SPECC1: variants seen among roughly 807,000 people sequenced by gnomAD.
SPECC1 encodes the protein cytospin-B.
In SPECC1, 62 loss-of-function variants were observed where a neutral mutation model predicts 104.1. The observed-to-expected ratio is 0.60, with a 90% confidence interval of 0.49 to 0.74. The LOEUF (loss-of-function observed/expected upper bound fraction) is 0.74. Ranked by LOEUF, SPECC1 falls within the 30% of genes least tolerant of loss-of-function variation. SPECC1 has a pLI of 0.00. For synonymous variants in SPECC1, 513 were observed against 501.6 expected, an observed-to-expected ratio of 1.02 and a Z score of -0.30; for missense variants, 1,306 against 1,310.5, an observed-to-expected ratio of 1.00 and a Z score of 0.05.
intron 3 of SPECC1, among the ~76,000 whole-genome samples, chr17:20,201,962 CAT>C (rs1183389927): frequency 6.6e-6 from 1 of 152,124 alleles, no homozygotes; most frequent in African/African-American, 2.4e-5. Context: ...GAAAAAGTTA[CAT>C]ATGTCATGAA....
Position 20,110,487 on chromosome 17 carries a change from G to T in SPECC1, c.208G>T (p.Val70Leu). 6.2e-7 allele frequency: 1 copy of T among 1,614,032 alleles called. No individual in the cohort carries two copies. Among genetic ancestry groups the T allele is most frequent in the South Asian group, 1.1e-5 (1 of 91,074 alleles). ...NKPGSTAASGVVRLKKTATAG... is the reference protein window; with the variant it reads ...NKPGSTAASGLVRLKKTATAG... ...GCCAGGAAGTACCGCTGCATCGGGG[G>T]TGGTTCGCCTGAAGAAGACCGCCAC... Residue 70 changes from valine to leucine, a missense_variant, in exon 3 of 15, where the codon GTG (valine) becomes TTG (leucine). By Grantham distance (32) the Val-to-Leu change is conservative. Around this residue, in one of 2 missense-constraint regions of SPECC1, gnomAD observed 1,177 missense variants for 1,139.9 expected, o/e 1.03. Transcript: ENST00000395527.
intron 10 of SPECC1, among the ~76,000 whole-genome samples, chr17:20,256,373 T>C (rs2703788): frequency 0.43 from 64,860 of 151,902 alleles, 14,452 homozygotes; most frequent in East Asian, 0.8. Context: ...TCCCCAGGAA[T>C]TGCTTGTCAA....
intron 12 of SPECC1, among the ~76,000 whole-genome samples, chr17:20,289,570 G>A (rs552817766): frequency 2.0e-5 from 3 of 152,328 alleles, no homozygotes; most frequent in Non-Finnish European, 4.4e-5. Context: ...CCCAAAAAGT[G>A]CTGGGATTAA....
intron 2 of SPECC1, among the ~76,000 whole-genome samples, chr17:20,103,300 C>T (rs528925960): frequency 5.9e-5 from 9 of 152,304 alleles, no homozygotes; most frequent in Admixed American, 1.3e-4. Flanking sequence ...ACTCCCCCAG[C>T]CCCTCCTGGG....
chr17:20,227,504 C>T lies in SPECC1; in HGVS notation c.1955C>T (p.Ser652Leu). The T allele has an allele frequency of 6.2e-7, 1 of 1,613,678 alleles. No homozygotes were observed. Among genetic ancestry groups the T allele is most frequent in the Non-Finnish European group, 8.5e-7 (1 of 1,179,886 alleles). ...RTSLKLQEKASESDAEIKDMK... is the reference protein window; with the variant it reads ...RTSLKLQEKALESDAEIKDMK... ...AGCCTAAAGCTGCAAGAAAAAGCATCAGAGAGTGATGCAGAGATCAAAGAC... is the reference window on the plus strand; with the variant it reads ...AGCCTAAAGCTGCAAGAAAAAGCATTAGAGAGTGATGCAGAGATCAAAGAC... Residue 652 changes from serine (S) to leucine (L), a missense_variant, in exon 5 of 15, where the codon TCA (serine) becomes TTA (leucine). By Grantham distance (145) the Ser-to-Leu change is moderately radical. This residue lies in a region of SPECC1 where 1,177 missense variants were observed against 1,139.9 expected (regional missense o/e 1.03). Transcript: ENST00000395527.
intron 3 of SPECC1, chr17:20,112,424 T>G (rs2048538604): frequency 1.3e-6 from 1 of 763,868 alleles, no homozygotes; most frequent in African/African-American, 1.7e-5. Context: ...ACCAATATCC[T>G]GAAAGGAATT....
rs1321576842 is a variant in SPECC1 at position 20,252,507 on chromosome 17, G to A, written c.2599-998G>A. 3.3e-5 allele frequency among the ~76,000 whole-genome samples: 5 copies of A among 152,106 alleles called. 1 individual carries two copies. Among genetic ancestry groups the A allele is most frequent in the South Asian group, 4.2e-4 (2 of 4,812 alleles). ...TGCCTGACTGAAACTCTGTATCCACGGAACAATTCCCCACTTCCCCTCCCT... is the reference window on the plus strand; with the variant it reads ...TGCCTGACTGAAACTCTGTATCCACAGAACAATTCCCCACTTCCCCTCCCT... On this transcript the variant is annotated intron_variant, in intron 9 of 14. Transcript: ENST00000395527.
chr17:20,040,256 G>A (rs7218919), intron 1 of SPECC1, among the ~76,000 whole-genome samples: 10,484 of 151,790 alleles, frequency 0.069, 982 homozygotes, highest in African/African-American at 0.21. Context: ...ACTTCAATGA[G>A]GTATAGAAAC....
chr17:20,282,536 G>A (rs920556794), intron 12 of SPECC1, among the ~76,000 whole-genome samples: 1 of 152,158 alleles, frequency 6.6e-6, no homozygotes, highest in African/African-American at 2.4e-5. Context: ...ACTTAACAAA[G>A]TAATTAAAAA....
chr17:20,034,965 A>G (rs9896387), intron 1 of SPECC1, among the ~76,000 whole-genome samples: 10,515 of 152,140 alleles, frequency 0.069, 985 homozygotes, highest in African/African-American at 0.21. Flanking sequence ...TTTTGAGTTA[A>G]TTTTTCTGTA....
chr17:20,204,688 T>G lies in SPECC1; in HGVS notation c.639T>G (p.Asp213Glu). ...CTGATGCTTTGGGCCCAAATGTCGA[T>G]GGAACATCAGTCTCCCCAGGTGACA... ...EGTDALGPNV[D>E]GTSVSPGDTE... The change falls in exon 4 of 15, where the codon GAT (aspartate) becomes GAG (glutamate). Residue 213 changes from aspartate to glutamate, a missense_variant. This residue lies in a region of SPECC1 where 1,177 missense variants were observed against 1,139.9 expected (regional missense o/e 1.03). Transcript: ENST00000395527. 1 of 1,613,786 alleles carries G rather than the reference T, an allele frequency of 6.2e-7. No homozygotes were observed. Among genetic ancestry groups the G allele is most frequent in the Non-Finnish European group, 8.5e-7 (1 of 1,179,944 alleles).
intron 12 of SPECC1, among the ~76,000 whole-genome samples, chr17:20,269,394 T>C (rs543377083): frequency 4.9e-4 from 74 of 152,240 alleles, no homozygotes; most frequent in Non-Finnish European, 1.0e-3. Flanking sequence ...CAGAAGGGGC[T>C]GGATGCTGAG....
chr17:20,181,987 A>T (rs9941376), intron 3 of SPECC1, among the ~76,000 whole-genome samples: 37,696 of 151,900 alleles, frequency 0.25, 5,823 homozygotes, highest in African/African-American at 0.45. Context: ...TTTCATTAGG[A>T]AAAAAGGAAG....
intron 1 of SPECC1, among the ~76,000 whole-genome samples, chr17:20,083,227 A>G (rs1364728295): frequency 6.6e-6 from 1 of 152,242 alleles, no homozygotes; most frequent in Non-Finnish European, 1.5e-5. Context: ...AATGCCAGCC[A>G]GCTGCTGGTG....
chr17:20,278,100 G>GC (rs2040635833), intron 12 of SPECC1, among the ~76,000 whole-genome samples: 2 of 152,174 alleles, frequency 1.3e-5, no homozygotes, highest in South Asian at 4.1e-4. Context: ...TGAAAGACCG[G>GC]CTTTTTTTAA....
chr17:20,194,355 T>C (rs1297027055), intron 3 of SPECC1, among the ~76,000 whole-genome samples: 1 of 152,084 alleles, frequency 6.6e-6, no homozygotes, highest in Non-Finnish European at 1.5e-5. Context: ...GGGACTGTTG[T>C]AGACAAGGTG....
At chr17:20,284,671 C>T (rs924822497) in intron 12 of SPECC1, among the ~76,000 whole-genome samples, 2 of 152,242 alleles carry the variant, frequency 1.3e-5, no homozygotes, top group Non-Finnish European at 2.9e-5. Context: ...ACATGCTGAG[C>T]TCCAGTGAGG....
intron 7 of SPECC1, among the ~76,000 whole-genome samples, chr17:20,244,067 T>TA (rs2039317968): frequency 6.6e-6 from 1 of 150,452 alleles, no homozygotes; most frequent in South Asian, 2.1e-4. Context: ...AAAAAAAAAA[T>TA]ACGAAAGATT....
intron 1 of SPECC1, among the ~76,000 whole-genome samples, chr17:20,054,595 G>A (rs1196596327): frequency 6.6e-6 from 1 of 152,176 alleles, no homozygotes; most frequent in Non-Finnish European, 1.5e-5. Context: ...CCCACTAGAT[G>A]AGGGTCGATG....
Sources: gnomAD v4.1 joint callset for allele counts (sites outside exome capture counted in the v4.1 genomes callset) on GRCh38, gnomAD v4.1.1 for gene constraint, gnomAD v4.1.1 regional missense constraint, MANE v1.5 for transcripts, NCBI Gene and HGNC (gene_info 2026-07-23, HGNC 2026-07-21) for gene names.